Variants in GPC6 observed in about 807,000 individuals in gnomAD.
The protein encoded by GPC6 is glypican-6.
A neutral mutation model predicts 55.2 loss-of-function variants in GPC6; 14 were observed. That is an observed-to-expected ratio of 0.25 (90% CI 0.17 to 0.40). The LOEUF (loss-of-function observed/expected upper bound fraction) is 0.40. GPC6 is among the 10% of genes least tolerant of loss of function. The pLI is 1.00. For missense variants in GPC6, 641 were observed against 708.5 expected, an observed-to-expected ratio of 0.90 and a Z score of 1.08; for synonymous variants, 278 against 259.6, an observed-to-expected ratio of 1.07 and a Z score of -0.68.
chr13:93,516,933 G>T (rs1038033545), intron 1 of GPC6, among the ~76,000 whole-genome samples: 1 of 152,138 alleles, frequency 6.6e-6, no homozygotes, highest in African/African-American at 2.4e-5. Flanking sequence ...ACTGTATGTG[G>T]TGGGGCCAAA....
chr13:93,444,024 T>C (rs1375241488), intron 1 of GPC6, among the ~76,000 whole-genome samples: 1 of 152,166 alleles, frequency 6.6e-6, no homozygotes, highest in Non-Finnish European at 1.5e-5. Context: ...AGAGAATCAA[T>C]CCATTACTTC....
chr13:94,350,705 T>C (rs1878497665), intron 6 of GPC6, among the ~76,000 whole-genome samples: 1 of 152,182 alleles, frequency 6.6e-6, no homozygotes, highest in South Asian at 2.1e-4. Flanking sequence ...GAAAGAGTAA[T>C]CTATCCATCT....
intron 6 of GPC6, among the ~76,000 whole-genome samples, chr13:94,309,587 A>T (rs943644896): frequency 1.3e-5 from 2 of 152,206 alleles, no homozygotes; most frequent in African/African-American, 4.8e-5. Context: ...CTCTAAAGTT[A>T]TATACACATA....
intron 2 of GPC6, among the ~76,000 whole-genome samples, chr13:93,782,684 T>A (rs766914395): frequency 1.3e-5 from 2 of 152,168 alleles, no homozygotes; most frequent in African/African-American, 4.8e-5. Context: ...ATTAGTGATG[T>A]TGAGCACTTT....
chr13:94,083,616 A>G (rs115988578), intron 4 of GPC6, among the ~76,000 whole-genome samples: 1,679 of 152,310 alleles, frequency 0.011, 27 homozygotes, highest in African/African-American at 0.038. Context: ...GAATGAGTGA[A>G]TCTATTCAAG....
intron 3 of GPC6, among the ~76,000 whole-genome samples, chr13:93,910,205 G>A (rs186344274): frequency 7.3e-4 from 111 of 152,196 alleles, no homozygotes; most frequent in African/African-American, 2.6e-3. Flanking sequence ...AATCATGGGG[G>A]TGGGTCTTTC....
chr13:93,512,958 A>C (rs1881040686), intron 1 of GPC6, among the ~76,000 whole-genome samples: 1 of 152,226 alleles, frequency 6.6e-6, no homozygotes, highest in South Asian at 2.1e-4. Context: ...AGGCTACTAC[A>C]GTGCAAGGTG....
At chr13:93,526,804 A>G (rs1881661547) in intron 1 of GPC6, among the ~76,000 whole-genome samples, 1 of 152,100 alleles carries the variant, frequency 6.6e-6, no homozygotes, top group African/African-American at 2.4e-5. Flanking sequence ...TCTTAGGTTA[A>G]ATGATATTGA....
At chr13:93,726,100 T>TCACA (rs1358564731) in intron 2 of GPC6, among the ~76,000 whole-genome samples, 3 of 93,630 alleles carry the variant, frequency 3.2e-5, no homozygotes, top group Non-Finnish European at 6.7e-5. Context: ...ACTTTTTCCT[T>TCACA]CATACACACA....
chr13:94,170,473 G>T (rs759184422), intron 4 of GPC6, among the ~76,000 whole-genome samples: 2 of 152,170 alleles, frequency 1.3e-5, no homozygotes, highest in African/African-American at 2.4e-5. Flanking sequence ...CCCAGTAGCC[G>T]CTGTGTGCTG....
chr13:94,031,093 CGT>C (rs1242184492), intron 4 of GPC6, among the ~76,000 whole-genome samples: 3 of 148,596 alleles, frequency 2.0e-5, no homozygotes, highest in Admixed American at 6.8e-5. Flanking sequence ...TGTGTGTGTG[CGT>C]GTGTGTGTGC....
In GPC6 at chr13:93,830,264, A is replaced by C. The variant is rs35542724; in HGVS notation, c.430A>C (p.Thr144Pro). 2 of 1,612,966 alleles carry C rather than the reference A, an allele frequency of 1.2e-6. No homozygotes were observed. Among genetic ancestry groups the C allele is most frequent in the Non-Finnish European group, 1.7e-6 (2 of 1,179,154 alleles). ...QNSEVFQDLF[T>P]ELKRYYTGGN... ...TTCAGAAGTCTTCCAGGACCTCTTC[A>C]CAGAGCTGAAAAGGTACTACACTGG... Residue 144 changes from threonine (T) to proline (P), a missense_variant, in exon 3 of 9, where the codon ACA becomes CCA. By Grantham distance (38) the Thr-to-Pro change is conservative (BLOSUM62 -1). Coordinates refer to ENST00000377047, the MANE Select transcript of GPC6 (RefSeq NM_005708.5).
Position 94,372,850 on chromosome 13 carries a change from C to T in GPC6, c.1153-9564C>T, listed in dbSNP as rs1436814052. ...TTGAAGAGAGCAGTGGTTCTCCCAG[C>T]AGGCAGCTGGAGATCTGAGAATGGG... On this transcript the variant is annotated intron_variant, in intron 6 of 8. Coordinates refer to ENST00000377047, the MANE Select transcript of GPC6 (RefSeq NM_005708.5). Among the ~76,000 whole-genome samples the T allele has an allele frequency of 2.6e-5, 4 of 152,298 alleles. No individual in the cohort carries two copies. In the East Asian group the frequency reaches 5.8e-4, roughly 22 times the overall value.
At chr13:93,549,015 C>T (rs1457476613) in intron 2 of GPC6, among the ~76,000 whole-genome samples, 2 of 152,094 alleles carry the variant, frequency 1.3e-5, no homozygotes, top group African/African-American at 2.4e-5. Context: ...ATTACACATC[C>T]CTGTAAGCCT....
Position 93,227,195 on chromosome 13 carries a change from G to T in GPC6, c.-262G>T, listed in dbSNP as rs981617737. The T allele has an allele frequency of 1.5e-5, 6 of 392,222 alleles. No homozygotes were observed. The highest frequency in any genetic ancestry group is 3.9e-5 in the East Asian group (1 of 25,360). 24.3% of individuals were successfully genotyped at this position (392,222 alleles called of 1,614,324 possible). On this transcript the variant is annotated 5_prime_UTR_variant, in exon 1 of 9. Coordinates refer to ENST00000377047, the MANE Select transcript of GPC6 (RefSeq NM_005708.5). This position sits in a 1 kb window ranked among gnomAD's most constrained non-coding sequence, Gnocchi z 4.3. ...TTCTCTTCCTCGTTTTGATTGCACC[G>T]TTTCCATCTGGGGGCTAGAGGAGCA...
chr13:93,811,004 A>G (rs1258303124), intron 2 of GPC6, among the ~76,000 whole-genome samples: 3 of 152,204 alleles, frequency 2.0e-5, no homozygotes, highest in Admixed American at 6.5e-5. Context: ...TGATTTATGT[A>G]TTTGACTTTG....
chr13:93,339,655 A>G (rs1880171116), intron 1 of GPC6, among the ~76,000 whole-genome samples: 2 of 152,202 alleles, frequency 1.3e-5, no homozygotes, highest in African/African-American at 2.4e-5. Flanking sequence ...GTTTTGCATA[A>G]TGTTCAATAA....
intron 3 of GPC6, among the ~76,000 whole-genome samples, chr13:93,843,855 C>G (rs1340266521): frequency 5.3e-5 from 8 of 152,056 alleles, no homozygotes; most frequent in African/African-American, 1.9e-4. Context: ...GTGCTTAGCT[C>G]CTTTGTTCAT....
At chr13:93,654,837 ATT>A (rs1255934947) in intron 2 of GPC6, among the ~76,000 whole-genome samples, 14 of 135,456 alleles carry the variant, frequency 1.0e-4, no homozygotes, top group Non-Finnish European at 9.6e-5. Flanking sequence ...ACATAACCAG[ATT>A]TTTTTTTTTT....
Sources: allele counts gnomAD v4.1 joint callset (sites outside exome capture counted in the v4.1 genomes callset), GRCh38; gene constraint gnomAD v4.1.1; non-coding constraint Gnocchi (gnomAD v3.1); transcripts MANE v1.5; gene names NCBI Gene and HGNC (gene_info 2026-07-23, HGNC 2026-07-21).